The following ANO4 variants were observed in gnomAD, a reference collection of about 807,000 sequenced individuals.
The protein encoded by ANO4 is anoctamin 4.
ANO4 carries 69 observed loss-of-function variants against 141.9 expected under a neutral mutation model. The ratio of observed to expected loss-of-function variants is 0.49; its 90% CI spans 0.40 to 0.59. The LOEUF (loss-of-function observed/expected upper bound fraction) is 0.59, where lower values mean the gene tolerates loss of function less well. Ranked by LOEUF, ANO4 falls within the 20% of genes least tolerant of loss-of-function variation. The pLI is 0.00. For synonymous variants in ANO4, 350 were observed against 394.3 expected (o/e 0.89, Z 1.33); for missense variants, 894 against 1,162.2 (o/e 0.77, Z 3.36).
intron 1 of ANO4, among the ~76,000 whole-genome samples, chr12:100,844,104 C>T (rs978941587): frequency 7.2e-5 from 11 of 151,950 alleles, no homozygotes; most frequent in African/African-American, 1.2e-4. Context: ...TGCCTGCCTT[C>T]ATGGAGTGTA....
chr12:101,058,046 G>A lies in ANO4; in HGVS notation c.1312+9645G>A, dbSNP rs536300066. 7.9e-5 allele frequency among the ~76,000 whole-genome samples: 12 copies of A among 152,278 alleles called. No homozygotes were observed. In the South Asian group the frequency reaches 2.5e-3, roughly 32 times the overall value. On this transcript the variant is annotated intron_variant, in intron 14 of 27. Coordinates refer to ENST00000392977, the MANE Select transcript of ANO4 (RefSeq NM_001286615.2). ...TCTTGAATTAATTTTTGAATAAAGT[G>A]TAAGGAAGGGGTCCAATTTCAATTT...
chr12:100,927,773 C>T (rs1305317845), intron 3 of ANO4, among the ~76,000 whole-genome samples: 1 of 152,076 alleles, frequency 6.6e-6, no homozygotes, highest in Non-Finnish European at 1.5e-5. Context: ...CTAGTTTTTC[C>T]TTTCATGATT....
chr12:100,941,048 A>G (rs1478271041), intron 4 of ANO4, among the ~76,000 whole-genome samples: 1 of 152,212 alleles, frequency 6.6e-6, no homozygotes, highest in Non-Finnish European at 1.5e-5. Context: ...GTGACAAACT[A>G]ATTGTAGATT....
chr12:100,769,715 A>G (rs2033219423), intron 3 of ANO4, among the ~76,000 whole-genome samples: 1 of 152,218 alleles, frequency 6.6e-6, no homozygotes, highest in African/African-American at 2.4e-5. Flanking sequence ...CACTCATTAT[A>G]TCTAATATGA....
At chr12:100,753,396 GA>G (rs2032469513) in intron 3 of ANO4, among the ~76,000 whole-genome samples, 2 of 152,166 alleles carry the variant, frequency 1.3e-5, no homozygotes, top group Non-Finnish European at 2.9e-5. Context: ...AGTGGGCTCA[GA>G]TCTGAGTCCT....
Position 101,091,363 on chromosome 12 carries a change from G to A in ANO4, c.1702-2893G>A, listed in dbSNP as rs189360446. On this transcript the variant is annotated intron_variant, in intron 17 of 27. Transcript: ENST00000392977. ...ACCCTCCTCAGCTATCTGTGATGAT[G>A]TCTCATCCCCGCACACACATTTACA... Among the ~76,000 whole-genome samples, 227 of 152,224 alleles carry A rather than the reference G, an allele frequency of 1.5e-3. 1 individual carries two copies. The highest frequency in any genetic ancestry group is 4.9e-3 in the African/African-American group (205 of 41,536).
chr12:101,018,045 CT>C (rs1215850359), intron 8 of ANO4, among the ~76,000 whole-genome samples: 1 of 152,204 alleles, frequency 6.6e-6, no homozygotes, highest in African/African-American at 2.4e-5. Context: ...GGGACATGGG[CT>C]TTTGGCCTTC....
intron 1 of ANO4, among the ~76,000 whole-genome samples, chr12:100,810,036 G>C (rs2035304910): frequency 6.6e-6 from 1 of 152,068 alleles, no homozygotes; most frequent in Non-Finnish European, 1.5e-5. Context: ...CACTCCCAAA[G>C]CCATCCCATT....
At chr12:100,854,789 A>T (rs569366817) in intron 1 of ANO4, among the ~76,000 whole-genome samples, 18 of 152,170 alleles carry the variant, frequency 1.2e-4, no homozygotes, top group African/African-American at 3.6e-4. Context: ...AATCTTCCTC[A>T]TCATGTTCCA....
intron 5 of ANO4, among the ~76,000 whole-genome samples, chr12:100,966,568 A>T (rs748441216): frequency 6.6e-6 from 1 of 152,078 alleles, no homozygotes; most frequent in South Asian, 2.1e-4. Context: ...TCTCTGGCCC[A>T]GACTTCTACC....
intron 17 of ANO4, 41 bp from the exon 18 acceptor site, chr12:101,094,215 C>A: frequency 6.6e-7 from 1 of 1,518,906 alleles, no homozygotes; most frequent in South Asian, 1.1e-5. Context: ...TTTTATAATA[C>A]GTGCAGTTCA....
At chr12:100,868,142 T>C (rs1333151182) in intron 1 of ANO4, among the ~76,000 whole-genome samples, 1 of 152,150 alleles carries the variant, frequency 6.6e-6, no homozygotes, top group African/African-American at 2.4e-5. Context: ...AGCCTGAGCC[T>C]TTCTTTCTTC....
chr12:100,964,388 T>C (rs1025707367), intron 5 of ANO4, among the ~76,000 whole-genome samples: 3 of 152,204 alleles, frequency 2.0e-5, no homozygotes, highest in African/African-American at 7.2e-5. Context: ...TGCAAAAGCT[T>C]TGAAACACCA....
rs145377217 is a variant in ANO4 at position 101,007,168 on chromosome 12, C to T, written c.735-12866C>T. On this transcript the variant is annotated intron_variant, in intron 8 of 27. Transcript: ENST00000392977. ...AAGAGTTCGAGAGCAGCCTGGCCAA[C>T]GTGGCGAAACCCTGTCTCTACTAAA... Among the ~76,000 whole-genome samples, 736 of 152,216 alleles carry T rather than the reference C, an allele frequency of 4.8e-3. 10 individuals are homozygous for T. Among genetic ancestry groups the T allele is most frequent in the African/African-American group, 0.016 (676 of 41,544 alleles).
chr12:101,073,094 A>C (rs1319998425), intron 14 of ANO4, among the ~76,000 whole-genome samples: 1 of 152,236 alleles, frequency 6.6e-6, no homozygotes, highest in East Asian at 1.9e-4. Context: ...GTATGTACCC[A>C]AAGGATTATA....
intron 2 of ANO4, among the ~76,000 whole-genome samples, chr12:100,919,742 A>ATCTATCTATCTG (rs1216322651): frequency 7.4e-5 from 10 of 134,510 alleles, no homozygotes; most frequent in South Asian, 2.3e-4. Context: ...GTATGTATCT[A>ATCTATCTATCTG]TCTATCTATC....
intron 9 of ANO4, among the ~76,000 whole-genome samples, chr12:101,034,807 C>G (rs2047128870): frequency 6.6e-6 from 1 of 152,036 alleles, no homozygotes; most frequent in African/African-American, 2.4e-5. Flanking sequence ...AAACAGCACA[C>G]AAGATGATTT....
At position 100,806,523 on chromosome 12, in the gene ANO4, C is replaced by CTTTTTTTTTTTTTTTTTTT. The variant is rs1593379234; in HGVS notation, c.-141+11496_-141+11497insTTTTTTTTTTTTTTTTTTT. On this transcript the variant is annotated intron_variant, in intron 1 of 27. Coordinates refer to ENST00000392977, the MANE Select transcript of ANO4 (RefSeq NM_001286615.2). ...TTTTTAGGAGGTTTTTTTTTTGTTT[C>CTTTTTTTTTTTTTTTTTTT]GTTTTTTTTTTTTTTTTTTTTTTTT... Among the ~76,000 whole-genome samples the CTTTTTTTTTTTTTTTTTTT allele has an allele frequency of 1.7e-3, 77 of 44,972 alleles. 19 individuals carry two copies. The highest frequency in any genetic ancestry group is 3.2e-3 in the African/African-American group (44 of 13,672). The allele number at this position is 44,972 out of a possible 152,430, so 29.5% of individuals were successfully genotyped here. A position where few individuals can be genotyped will look rare whatever the true frequency, so the allele number is the denominator to read the frequency against.
At chr12:100,981,020 A>G (rs937008592) in intron 7 of ANO4, among the ~76,000 whole-genome samples, 1 of 152,130 alleles carries the variant, frequency 6.6e-6, no homozygotes, top group Non-Finnish European at 1.5e-5. Flanking sequence ...TCCACCCCCC[A>G]TATGCATTCT....
Sources: gnomAD v4.1 joint callset for allele counts (sites outside exome capture counted in the v4.1 genomes callset) on GRCh38, gnomAD v4.1.1 for gene constraint, MANE v1.5 for transcripts, NCBI Gene and HGNC (gene_info 2026-07-23, HGNC 2026-07-21) for gene names.